The following NOXRED1 variants were observed in gnomAD, a reference collection of about 807,000 sequenced individuals.
The protein encoded by NOXRED1 is NADP dependent oxidoreductase domain containing 1, also known as NADP-dependent oxidoreductase domain-containing protein 1.
A neutral mutation model predicts 30.4 loss-of-function variants in NOXRED1; 20 were observed. The observed-to-expected ratio is 0.66, with a 90% CI of 0.46 to 0.96. The LOEUF (loss-of-function observed/expected upper bound fraction) is 0.96. NOXRED1 is among the 40% of genes least tolerant of loss of function. NOXRED1 has a pLI of 0.00. For missense variants in NOXRED1, 374 were observed against 428.0 expected (o/e 0.87, Z 1.11); for synonymous variants, 155 against 168.0 (o/e 0.92, Z 0.60).
intron 1 of NOXRED1, among the ~76,000 whole-genome samples, chr14:77,414,913 A>C (rs1257283506): frequency 6.6e-6 from 1 of 152,016 alleles, no homozygotes; most frequent in Non-Finnish European, 1.5e-5. Context: ...ACGGTGGCTC[A>C]CATCTATAAT....
intron 5 of NOXRED1, 37 bp from the exon 6 acceptor site, chr14:77,394,842 G>A: frequency 1.3e-6 from 2 of 1,488,002 alleles, no homozygotes; most frequent in African/African-American, 2.8e-5. Context: ...TTTTATGTCT[G>A]TTCAGTATAT....
chr14:77,399,420 G>A (rs1466022196), intron 5 of NOXRED1, among the ~76,000 whole-genome samples: 14 of 152,110 alleles, frequency 9.2e-5, no homozygotes, highest in Admixed American at 4.6e-4. Context: ...ACTGCACTCC[G>A]GCCTGGGTAA....
At chr14:77,403,057 G>A (rs1477430821) in intron 5 of NOXRED1, among the ~76,000 whole-genome samples, 2 of 151,732 alleles carry the variant, frequency 1.3e-5, no homozygotes, top group Non-Finnish European at 2.9e-5. Context: ...AGAATACAAG[G>A]AAAATTTGAC....
chr14:77,414,668 A>C (rs1257230862), intron 1 of NOXRED1, among the ~76,000 whole-genome samples: 2 of 152,192 alleles, frequency 1.3e-5, no homozygotes, highest in African/African-American at 4.8e-5. Flanking sequence ...AGGGACCAAA[A>C]TTTAAAATGT....
At chr14:77,419,833 C>T (rs1199979487) in intron 1 of NOXRED1, among the ~76,000 whole-genome samples, 3 of 152,110 alleles carry the variant, frequency 2.0e-5, no homozygotes, top group Non-Finnish European at 4.4e-5. Context: ...GCTGAGAAGC[C>T]ACCAATAGTC....
At chr14:77,411,198 G>T (rs1375624492) in intron 2 of NOXRED1, among the ~76,000 whole-genome samples, 1 of 152,146 alleles carries the variant, frequency 6.6e-6, no homozygotes, top group Non-Finnish European at 1.5e-5. Context: ...GCTGGGCATG[G>T]TGGCTCACGC....
rs1447111868 is a variant in NOXRED1, at chr14:77,422,863, G to T, written c.27C>A (p.Ser9=). 1.2e-6 allele frequency: 2 copies of T among 1,613,706 alleles called. No homozygotes were observed. Among genetic ancestry groups the T allele is most frequent in the Non-Finnish European group, 1.7e-6 (2 of 1,179,832 alleles). MDMLQDLE[S]LQFEYGVPEE... ...CTGGAACCCCATACTCAAACTGCAG[G>T]GACTCAAGGTCCTGGAGCATGTCCA... Residue 9 remains serine, a synonymous_variant, in exon 1 of 6, where the codon TCC becomes TCA. Transcript: ENST00000380835.
chr14:77,425,295 AG>A (rs1234912646), upstream of NOXRED1, among the ~76,000 whole-genome samples: 8 of 152,226 alleles, frequency 5.3e-5, no homozygotes, highest in South Asian at 2.1e-4. Flanking sequence ...CAGAAAAGAC[AG>A]GCTCTACTCC....
chr14:77,401,960 T>C (rs1009916706), intron 5 of NOXRED1, among the ~76,000 whole-genome samples: 1 of 152,190 alleles, frequency 6.6e-6, no homozygotes, highest in Non-Finnish European at 1.5e-5. Flanking sequence ...CAAATGGTAC[T>C]GAAGCACTTG....
upstream of NOXRED1, among the ~76,000 whole-genome samples, chr14:77,425,552 G>A (rs1895103110): frequency 6.6e-6 from 1 of 152,216 alleles, no homozygotes; most frequent in African/African-American, 2.4e-5. Context: ...TAGCAAGAAG[G>A]ATGATCAAGA....
chr14:77,399,087 C>T (rs1894257901), intron 5 of NOXRED1, among the ~76,000 whole-genome samples: 1 of 152,044 alleles, frequency 6.6e-6, no homozygotes, highest in African/African-American at 2.4e-5. Context: ...ACCACCAAAA[C>T]CCACAATTTG....
intron 5 of NOXRED1, among the ~76,000 whole-genome samples, chr14:77,400,723 A>G (rs910468718): frequency 6.6e-6 from 1 of 152,226 alleles, no homozygotes; most frequent in Non-Finnish European, 1.5e-5. Flanking sequence ...GTTTAAATGT[A>G]TGTTGCAAAG....
intron 5 of NOXRED1, among the ~76,000 whole-genome samples, 175 bp downstream of exon 5, chr14:77,405,738 A>G (rs923787615): frequency 1.3e-5 from 2 of 152,224 alleles, no homozygotes; most frequent in African/African-American, 2.4e-5. Context: ...AATCTATGAA[A>G]TGGGATTTGG....
At chr14:77,397,613 G>A (rs1047688438) in intron 5 of NOXRED1, among the ~76,000 whole-genome samples, 2 of 152,134 alleles carry the variant, frequency 1.3e-5, no homozygotes, top group Non-Finnish European at 2.9e-5. Flanking sequence ...TTGGCTGGGT[G>A]CGGTGGCTCA....
chr14:77,405,382 A>G (rs1894429693), intron 5 of NOXRED1, among the ~76,000 whole-genome samples: 1 of 152,222 alleles, frequency 6.6e-6, no homozygotes, highest in Non-Finnish European at 1.5e-5. Context: ...GTGACAGAGC[A>G]AGACTGTCTC....
intron 2 of NOXRED1, among the ~76,000 whole-genome samples, chr14:77,408,049 G>A (rs969725695): frequency 2.3e-4 from 35 of 152,032 alleles, no homozygotes; most frequent in African/African-American, 8.4e-4. Flanking sequence ...TGTATTTTTA[G>A]TAGAGACGGG....
intron 5 of NOXRED1, among the ~76,000 whole-genome samples, chr14:77,399,374 C>T (rs7146543): frequency 0.18 from 26,675 of 152,000 alleles, 2,640 homozygotes; most frequent in Middle Eastern, 0.28. Flanking sequence ...CACTTGAGCT[C>T]GGGAGATTGT....
Position 77,405,152 on chromosome 14 carries a change from T to C in NOXRED1, c.905+761A>G, listed in dbSNP as rs954948844. ...GCTCACACCTGTAATCCCAGCACTTTGGTAGGCCAAGGCGGGCGGATCACT... is the reference window on the plus strand; with the variant it reads ...GCTCACACCTGTAATCCCAGCACTTCGGTAGGCCAAGGCGGGCGGATCACT... On this transcript the variant is annotated intron_variant, in intron 5 of 5. Coordinates refer to ENST00000380835, the MANE Select transcript of NOXRED1 (RefSeq NM_001113475.3). Among the ~76,000 whole-genome samples, 13 of 152,310 alleles carry C rather than the reference T, an allele frequency of 8.5e-5. No homozygotes were observed. In the East Asian group the frequency reaches 2.3e-3, roughly 27 times the overall value.
chr14:77,399,653 A>G (rs927646275), intron 5 of NOXRED1, among the ~76,000 whole-genome samples: 1 of 152,188 alleles, frequency 6.6e-6, no homozygotes, highest in Admixed American at 6.6e-5. Context: ...GAATCTGAGG[A>G]TATCTCAACA....
Sources: gnomAD v4.1 joint callset for allele counts (sites outside exome capture counted in the v4.1 genomes callset) on GRCh38, gnomAD v4.1.1 for gene constraint, MANE v1.5 for transcripts, NCBI Gene and HGNC (gene_info 2026-07-23, HGNC 2026-07-21) for gene names.